Variants in ROCK1 observed in about 807,000 individuals in gnomAD.
ROCK1 encodes Rho associated coiled-coil containing protein kinase 1.
Under a neutral mutation model 196.8 loss-of-function variants are expected in ROCK1, and 36 were observed. The ratio of observed to expected loss-of-function variants is 0.18; its 90% CI spans 0.14 to 0.24. ROCK1 has a LOEUF of 0.24. Ranked by LOEUF, ROCK1 falls within the 10% of genes least tolerant of loss-of-function variation. The probability of loss-of-function intolerance (pLI) is 1.00; values close to 1 mark genes in which losing one functional copy is unlikely to be tolerated. For synonymous variants in ROCK1, 443 were observed against 515.9 expected (o/e 0.86, Z 1.91); for missense variants, 920 against 1,562.0 (o/e 0.59, Z 6.93).
intron 16 of ROCK1, among the ~76,000 whole-genome samples, chr18:21,003,726 C>T (rs1181189652): frequency 6.6e-6 from 1 of 152,032 alleles, no homozygotes; most frequent in Non-Finnish European, 1.5e-5. Context: ...ACAGGTTAGG[C>T]ATCCTTAATT....
At chr18:21,049,611 C>T (rs1471514340) in intron 3 of ROCK1, among the ~76,000 whole-genome samples, 169 bp downstream of exon 3, 1 of 152,204 alleles carries the variant, frequency 6.6e-6, no homozygotes, top group Non-Finnish European at 1.5e-5. Context: ...ACACTTCCCA[C>T]TATGGCTAGA....
At chr18:21,077,034 C>T (rs1222879619) in intron 1 of ROCK1, among the ~76,000 whole-genome samples, 1 of 140,780 alleles carries the variant, frequency 7.1e-6, no homozygotes, top group African/African-American at 2.7e-5. Flanking sequence ...ACTGCAGTGG[C>T]GCAATCTCGG....
Position 20,946,928 on chromosome 18 carries a change from T to C in ROCK1, c.*4456A>G, listed in dbSNP as rs948765539. ...AAATGAACCACTTAATTCAATTTAATAGCCAAACCATCCTACATGGTACAA... is the reference window on the plus strand; with the variant it reads ...AAATGAACCACTTAATTCAATTTAACAGCCAAACCATCCTACATGGTACAA... On this transcript the variant is annotated 3_prime_UTR_variant, in exon 33 of 33. Transcript: ENST00000399799. 12 of 152,216 alleles carry C rather than the reference T, an allele frequency of 7.9e-5. No homozygotes were observed. The highest frequency in any genetic ancestry group is 1.3e-4 in the Non-Finnish European group (9 of 68,040). The allele number at this position is 152,216 out of a possible 1,614,324, so 9.4% of individuals were successfully genotyped here. A position where few individuals can be genotyped will look rare whatever the true frequency, so the allele number is the denominator to read the frequency against.
intron 2 of ROCK1, among the ~76,000 whole-genome samples, chr18:21,058,329 C>T (rs1280826052): frequency 6.6e-6 from 1 of 151,918 alleles, no homozygotes; most frequent in Non-Finnish European, 1.5e-5. Flanking sequence ...GATTATAAAA[C>T]GTACCATTAC....
intron 9 of ROCK1, among the ~76,000 whole-genome samples, chr18:21,033,151 C>T (rs140953994): frequency 2.6e-5 from 4 of 151,948 alleles, no homozygotes; most frequent in South Asian, 2.1e-4. Context: ...GAGCTAAGAT[C>T]ATGGCACTGC....
At chr18:21,042,509 G>A in intron 7 of ROCK1, 56 bp downstream of exon 7, 2 of 1,531,528 alleles carry the variant, frequency 1.3e-6, no homozygotes, top group South Asian at 1.2e-5. Context: ...AGAGCCAAGT[G>A]GCAAGTTTTG....
chr18:21,097,859 A>G (rs2036624765), intron 1 of ROCK1, among the ~76,000 whole-genome samples: 1 of 152,262 alleles, frequency 6.6e-6, no homozygotes, highest in Admixed American at 6.5e-5. Context: ...CCAAAGTCAC[A>G]GGGCTAATAA....
chr18:21,054,025 CAT>C (rs1316325886), intron 2 of ROCK1, among the ~76,000 whole-genome samples: 1 of 152,182 alleles, frequency 6.6e-6, no homozygotes, highest in Non-Finnish European at 1.5e-5. Flanking sequence ...GAGAGCATCA[CAT>C]ATGGTCGCTG....
intron 13 of ROCK1, among the ~76,000 whole-genome samples, chr18:21,011,583 G>A (rs2035817548): frequency 6.6e-6 from 1 of 152,138 alleles, no homozygotes; most frequent in South Asian, 2.1e-4. Context: ...TGCCTCCCTA[G>A]TAGCTGGGAC....
At chr18:20,985,708 T>C (rs2035572488) in intron 19 of ROCK1, among the ~76,000 whole-genome samples, 1 of 152,224 alleles carries the variant, frequency 6.6e-6, no homozygotes, top group African/African-American at 2.4e-5. Context: ...TTTAAATGAC[T>C]GAATATTATC....
Position 21,044,167 on chromosome 18 carries a change from T to C in ROCK1, c.610A>G (p.Met204Val). The change falls in exon 6 of 33, where the codon ATG (methionine) becomes GTG (valine). Residue 204 changes from methionine (M) to valine (V), a missense_variant. Physicochemically the swap from Met to Val is conservative, Grantham distance 21 (BLOSUM62 1). Around this residue, in one of 6 missense-constraint regions of ROCK1, gnomAD observed 234 missense variants for 460.7 expected, o/e 0.51. Transcript: ENST00000399799. ...AAATGTCCAGATTTATCCAGCAGCA[T>C]GTTATCAGGCTTCACATCTCTGCAG... ...FIHRDVKPDN[M>V]LLDKSGHLKL... The C allele has an allele frequency of 6.2e-7, 1 of 1,612,306 alleles. No homozygotes were observed.
intron 2 of ROCK1, among the ~76,000 whole-genome samples, chr18:21,064,821 C>T (rs2143542398): frequency 6.6e-6 from 1 of 152,318 alleles, no homozygotes; most frequent in South Asian, 2.1e-4. Context: ...TGGCTGCAAC[C>T]TTCTAATATT....
intron 1 of ROCK1, among the ~76,000 whole-genome samples, chr18:21,071,468 C>T (rs926282860): frequency 9.2e-5 from 14 of 152,212 alleles, no homozygotes; most frequent in African/African-American, 3.1e-4. Flanking sequence ...TGAGCCACCA[C>T]GCCTGGCCGA....
chr18:20,983,851 A>G (rs2035555013), intron 20 of ROCK1, among the ~76,000 whole-genome samples: 1 of 152,200 alleles, frequency 6.6e-6, no homozygotes, highest in African/African-American at 2.4e-5. Flanking sequence ...GACTTGGCAT[A>G]AGATATATCC....
intron 22 of ROCK1, among the ~76,000 whole-genome samples, chr18:20,979,190 A>G (rs1165912950): frequency 6.6e-6 from 1 of 152,128 alleles, no homozygotes; most frequent in African/African-American, 2.4e-5. Flanking sequence ...TAGCCTCCCA[A>G]AATGCTGGTA....
At chr18:21,075,824 G>A (rs769238420) in intron 1 of ROCK1, among the ~76,000 whole-genome samples, 5 of 151,760 alleles carry the variant, frequency 3.3e-5, no homozygotes, top group African/African-American at 9.7e-5. Flanking sequence ...ATGGGGATGC[G>A]CACCTGTAGT....
intron 18 of ROCK1, among the ~76,000 whole-genome samples, chr18:20,990,693 CAAAAAAAAAA>C (rs1170099682): frequency 2.8e-3 from 64 of 22,594 alleles, no homozygotes; most frequent in Non-Finnish European, 5.8e-3. Context: ...AACTTCGTCT[CAAAAAAAAAA>C]AAAAAAAAAA....
chr18:21,085,873 T>A (rs1458310970), intron 1 of ROCK1, among the ~76,000 whole-genome samples: 1 of 152,164 alleles, frequency 6.6e-6, no homozygotes, highest in Admixed American at 6.5e-5. Context: ...CACAAAAATA[T>A]ATTCACGGAT....
At chr18:21,032,096 T>C (rs1015544423) in intron 9 of ROCK1, among the ~76,000 whole-genome samples, 5 of 151,882 alleles carry the variant, frequency 3.3e-5, no homozygotes, top group African/African-American at 1.2e-4. Context: ...GTAAAAGATA[T>C]AAATCTACAC....
Sources: allele counts gnomAD v4.1 joint callset (sites outside exome capture counted in the v4.1 genomes callset), GRCh38; gene constraint gnomAD v4.1.1; regional missense constraint gnomAD v4.1.1; transcripts MANE v1.5; gene names NCBI Gene and HGNC (gene_info 2026-07-23, HGNC 2026-07-21).